Variants in LMBR1L observed in about 807,000 individuals in gnomAD.
LMBR1L encodes the protein limb development membrane protein 1 like.
A neutral mutation model predicts 67.3 loss-of-function variants in LMBR1L; 47 were observed. The observed-to-expected ratio is 0.70, with a 90% CI of 0.55 to 0.89. The LOEUF (loss-of-function observed/expected upper bound fraction) is 0.89. Among genes scored for constraint, LMBR1L ranks in the 40% least tolerant of loss-of-function variants. The probability of loss-of-function intolerance (pLI) is 0.00; values close to 1 mark genes in which losing one functional copy is unlikely to be tolerated. For synonymous variants in LMBR1L, 247 were observed against 250.3 expected (o/e 0.99, Z 0.13); for missense variants, 533 against 599.2 (o/e 0.89, Z 1.15).
intron 11 of LMBR1L, chr12:49,101,773 A>G: frequency 3.4e-6 from 2 of 582,508 alleles, no homozygotes; most frequent in Non-Finnish European, 6.1e-6. Context: ...AAGGCTGAAT[A>G]GGAAAAGGCA....
intron 1 of LMBR1L, among the ~76,000 whole-genome samples, chr12:49,109,286 C>A (rs764490032): frequency 6.6e-5 from 10 of 152,194 alleles, no homozygotes; most frequent in Non-Finnish European, 8.8e-5. Context: ...TCCAGCCCGA[C>A]ACTGTCTCAA....
rs145061092 is a variant in LMBR1L, at chr12:49,108,295, G to C, written c.73-1250C>G. 1.5e-3 allele frequency among the ~76,000 whole-genome samples: 229 copies of C among 151,982 alleles called. 1 individual carries two copies. Among genetic ancestry groups the C allele is most frequent in the African/African-American group, 5.1e-3 (213 of 41,464 alleles). Reference sequence around the variant, plus strand: ...ATTACAAAAATTGGCTGGGCGCAGTGGCTCACGCCTATAATCCCAGCATTT... The same window carrying C: ...ATTACAAAAATTGGCTGGGCGCAGTCGCTCACGCCTATAATCCCAGCATTT... On this transcript the variant is annotated intron_variant, in intron 1 of 16. Transcript: ENST00000267102.
In LMBR1L at chr12:49,100,574, G is replaced by A. The variant is rs1440632608; in HGVS notation, c.1155C>T (p.His385=). ...PLFRSLRPRW[H]DTAMTQIIGN... Reference sequence around the variant, plus strand: ...CAGCTACCTGCGTCATGGCAGTGTCGTGCCATCTGGGCCGCAGGCTCCGGA... The same window carrying A: ...CAGCTACCTGCGTCATGGCAGTGTCATGCCATCTGGGCCGCAGGCTCCGGA... The change falls in exon 14 of 17, where the codon CAC becomes CAT. Residue 385 remains histidine, a synonymous_variant. Coordinates refer to ENST00000267102, the MANE Select transcript of LMBR1L (RefSeq NM_018113.4). 2.4e-5 allele frequency: 39 copies of A among 1,613,898 alleles called. No homozygotes were observed. The highest frequency in any genetic ancestry group is 2.8e-5 in the Non-Finnish European group (33 of 1,179,928).
chr12:49,109,632 G>A (rs1474340905), intron 1 of LMBR1L: 4 of 453,426 alleles, frequency 8.8e-6, no homozygotes, highest in Admixed American at 7.1e-5. Context: ...GCCCTGGTGA[G>A]CTCTGGGGAA....
intron 14 of LMBR1L, 33 bp from the exon 15 acceptor site, chr12:49,100,487 T>C: frequency 6.2e-7 from 1 of 1,608,422 alleles, no homozygotes; most frequent in Non-Finnish European, 8.5e-7. Context: ...GAGGTGAGGG[T>C]GGAAGAGCTG....
intron 1 of LMBR1L, among the ~76,000 whole-genome samples, chr12:49,109,067 G>A (rs992174233): frequency 1.3e-5 from 2 of 152,142 alleles, no homozygotes; most frequent in African/African-American, 4.8e-5. Flanking sequence ...GGCTCAAAAG[G>A]TCAGGCTGGA....
At position 49,097,373 on chromosome 12, in the gene LMBR1L, T is replaced by C; in HGVS notation, c.*299A>G. On this transcript the variant is annotated 3_prime_UTR_variant, in exon 17 of 17. Transcript: ENST00000267102. Reference sequence around the variant, plus strand: ...ACATCAAATCATGTAAACATGGCTATGGGGATGGCCCAGAACAGCAGTGAG... The same window carrying C: ...ACATCAAATCATGTAAACATGGCTACGGGGATGGCCCAGAACAGCAGTGAG... The C allele has an allele frequency of 2.4e-6, 1 of 412,094 alleles. No homozygotes were observed. Among genetic ancestry groups the C allele is most frequent in the Non-Finnish European group, 4.6e-6 (1 of 219,666 alleles). The allele number at this position is 412,094 out of a possible 1,614,324, so 25.5% of individuals were successfully genotyped here. A position where few individuals can be genotyped will look rare whatever the true frequency, so the allele number is the denominator to read the frequency against.
chr12:49,100,284 G>T, intron 15 of LMBR1L, 104 bp downstream of exon 15: 2 of 905,692 alleles, frequency 2.2e-6, no homozygotes, highest in Non-Finnish European at 1.8e-6. Context: ...CTACTCATGG[G>T]TTTGTTGTGG....
In LMBR1L at chr12:49,103,636, A is replaced by G. The variant is rs1371894643; in HGVS notation, c.562+51T>C. 3 of 1,569,474 alleles carry G rather than the reference A, an allele frequency of 1.9e-6. No individual in the cohort carries two copies. In the African/African-American group the frequency reaches 4.1e-5, roughly 21 times the overall value. ...GGTTACAGTCATTCCAGGCAGGGGG[A>G]CATGGGCCAACTGAAAAGCCATGCA... On this transcript the variant is annotated intron_variant, in intron 6 of 16. Coordinates refer to ENST00000267102, the MANE Select transcript of LMBR1L (RefSeq NM_018113.4).
In LMBR1L at chr12:49,103,690, A is replaced by G. The variant is rs1328193359; in HGVS notation, c.559T>C (p.Tyr187His). ...TGGAGGAAGCTGGGCCGCTCACCAT[A>G]GAGTGACTCTCTGTTGGCCTTGTTC... ...DKNKANRESL[Y>H]DFWEYYLPYL... is the part of the protein sequence containing the mutation. Residue 187 changes from tyrosine (Y) to histidine (H), a missense_variant, in exon 6 of 17, where the codon TAT (tyrosine) becomes CAT (histidine). Coordinates refer to ENST00000267102, the MANE Select transcript of LMBR1L (RefSeq NM_018113.4). 1.2e-6 allele frequency: 2 copies of G among 1,613,340 alleles called. No homozygotes were observed. The highest frequency in any genetic ancestry group is 1.7e-5 in the Admixed American group (1 of 59,876).
intron 5 of LMBR1L, 95 bp from the exon 6 acceptor site, chr12:49,103,908 G>C: frequency 7.4e-7 from 1 of 1,346,666 alleles, no homozygotes; most frequent in Admixed American, 2.2e-5. Flanking sequence ...GAAAGGTTTG[G>C]ATTCAGGAGG....
chr12:49,101,349 G>A (rs1940154055), intron 12 of LMBR1L, 26 bp from the exon 13 acceptor site: 17 of 1,611,800 alleles, frequency 1.1e-5, no homozygotes, highest in Non-Finnish European at 1.4e-5. Flanking sequence ...GTATCACTGT[G>A]AGCATTCCCC....
chr12:49,100,704 G>A, intron 13 of LMBR1L, 58 bp from the exon 14 acceptor site: 1 of 1,294,842 alleles, frequency 7.7e-7, no homozygotes, highest in South Asian at 1.2e-5. Context: ...TCATCTCAAA[G>A]GGAACAGAGC....
intron 5 of LMBR1L, chr12:49,104,165 C>T: frequency 4.0e-6 from 2 of 494,028 alleles, no homozygotes; most frequent in Non-Finnish European, 3.6e-6. Context: ...CCTGTGAGTC[C>T]TCCCACGTCT....
chr12:49,102,663 C>T, intron 8 of LMBR1L, 123 bp from the exon 9 acceptor site: 1 of 1,046,274 alleles, frequency 9.6e-7, no homozygotes, highest in East Asian at 2.6e-5. Context: ...CATTCACCAC[C>T]CTGTGGCCCG....
intron 2 of LMBR1L, 51 bp downstream of exon 2, chr12:49,106,910 G>T: frequency 7.2e-7 from 1 of 1,383,418 alleles, no homozygotes; most frequent in Non-Finnish European, 1.0e-6. Flanking sequence ...TTCCCCTGAG[G>T]CTGGTCCATG....
At position 49,102,989 on chromosome 12, in the gene LMBR1L, T is replaced by C. The variant is rs565469336; in HGVS notation, c.632-38A>G. 7 of 1,610,086 alleles carry C rather than the reference T, an allele frequency of 4.3e-6. No individual in the cohort carries two copies. In the South Asian group the frequency reaches 7.7e-5, roughly 18 times the overall value. On this transcript the variant is annotated intron_variant, in intron 7 of 16. Transcript: ENST00000267102. ...GAGCCAGTCACTTGCCAGACCCTGC[T>C]CTCCACCCCTTCCCTAACATGCCCC...
In LMBR1L at chr12:49,100,383, C is replaced by T; in HGVS notation, c.1240+5G>A. 6.2e-7 allele frequency: 1 copy of T among 1,610,972 alleles called. No individual in the cohort carries two copies. Among genetic ancestry groups the T allele is most frequent in the Middle Eastern group, 1.7e-4 (1 of 6,052 alleles). Reference sequence around the variant, plus strand: ...ATTCCTTTATCTCCTCCTTTCAATACTTACCCAGGGTTCGAGAGAAGACAG... The same window carrying T: ...ATTCCTTTATCTCCTCCTTTCAATATTTACCCAGGGTTCGAGAGAAGACAG... On this transcript the variant is annotated splice_donor_5th_base_variant and intron_variant, in intron 15 of 16. Coordinates refer to ENST00000267102, the MANE Select transcript of LMBR1L (RefSeq NM_018113.4).
intron 3 of LMBR1L, 64 bp from the exon 4 acceptor site, chr12:49,104,949 C>T: frequency 1.3e-6 from 2 of 1,536,594 alleles, no homozygotes; most frequent in South Asian, 1.2e-5. Flanking sequence ...GCTGAAGAAG[C>T]CCCATTTGTC....
Sources: gnomAD v4.1 joint callset for allele counts (sites outside exome capture counted in the v4.1 genomes callset) on GRCh38, gnomAD v4.1.1 for gene constraint, MANE v1.5 for transcripts, NCBI Gene and HGNC (gene_info 2026-07-23, HGNC 2026-07-21) for gene names.